HYDIN: variants seen among roughly 807,000 people sequenced by gnomAD.
The protein encoded by HYDIN is axonemal central pair apparatus protein HYDIN.
HYDIN carries 132 observed loss-of-function variants against 403.9 expected under a neutral mutation model. That is an observed-to-expected ratio of 0.33 (90% CI 0.28 to 0.38). HYDIN has a LOEUF of 0.38. HYDIN is among the 10% of genes least tolerant of loss of function. The probability of loss-of-function intolerance (pLI) is 1.00; values close to 1 mark genes in which losing one functional copy is unlikely to be tolerated. For synonymous variants in HYDIN, 1,202 were observed against 1,891.7 expected, an observed-to-expected ratio of 0.64 and a Z score of 9.46; for missense variants, 2,827 against 5,009.5, an observed-to-expected ratio of 0.56 and a Z score of 13.15.
chr16:71,035,833 T>C (rs1382036595), intron 18 of HYDIN, among the ~76,000 whole-genome samples: 1 of 152,112 alleles, frequency 6.6e-6, no homozygotes, highest in Admixed American at 6.5e-5. Context: ...TTCTAAGATA[T>C]CCATATTGAC....
At chr16:71,199,916 C>T (rs1015403748) in intron 1 of HYDIN, among the ~76,000 whole-genome samples, 2 of 152,156 alleles carry the variant, frequency 1.3e-5, no homozygotes, top group Middle Eastern at 3.2e-3. Flanking sequence ...TACTGGGCTG[C>T]ATTCTCAGAC....
chr16:71,131,856 T>A (rs879154391), intron 8 of HYDIN: 1 of 151,376 alleles, frequency 6.6e-6, no homozygotes, highest in Non-Finnish European at 1.5e-5. Context: ...GCACACTGCC[T>A]CCCAGGAATC....
At chr16:70,890,795 G>GT in intron 57 of HYDIN, among the ~76,000 whole-genome samples, 1 of 152,178 alleles carries the variant, frequency 6.6e-6, no homozygotes, top group Non-Finnish European at 1.5e-5. Context: ...AGGTAGCTTT[G>GT]TGACGGTGTC....
chr16:70,853,473 G>A (rs943957353), intron 73 of HYDIN, among the ~76,000 whole-genome samples: 3 of 148,208 alleles, frequency 2.0e-5, no homozygotes, highest in African/African-American at 5.2e-5. Flanking sequence ...TCCTCCAGTG[G>A]GTGAATAGTT....
intron 15 of HYDIN, 197 bp downstream of exon 15, chr16:71,067,093 C>T: frequency 3.3e-6 from 2 of 603,430 alleles, no homozygotes; most frequent in South Asian, 4.0e-5. Context: ...AACACACACA[C>T]TTCTTCTTAT....
At chr16:71,138,657 T>C (rs1473727546) in intron 7 of HYDIN, among the ~76,000 whole-genome samples, 1 of 152,110 alleles carries the variant, frequency 6.6e-6, no homozygotes, top group African/African-American at 2.4e-5. Flanking sequence ...AATGTAACAA[T>C]CTGATAAGTG....
chr16:71,124,247 C>G (rs1267000939), intron 9 of HYDIN, among the ~76,000 whole-genome samples: 2 of 152,120 alleles, frequency 1.3e-5, no homozygotes, highest in Non-Finnish European at 2.9e-5. Flanking sequence ...GAGAAGGTGA[C>G]GGAAGGGACA....
chr16:70,978,020 C>T (rs1167053133), intron 30 of HYDIN, among the ~76,000 whole-genome samples: 1 of 151,962 alleles, frequency 6.6e-6, no homozygotes, highest in Non-Finnish European at 1.5e-5. Context: ...TCTCTCTCCC[C>T]GAGGTGCCCA....
chr16:70,847,901 T>C (rs571936471), intron 75 of HYDIN, among the ~76,000 whole-genome samples: 1 of 151,622 alleles, frequency 6.6e-6, no homozygotes, highest in East Asian at 1.9e-4. Flanking sequence ...CTTCTGAGAT[T>C]CCCATTACAT....
At chr16:71,053,021 T>C (rs2081716577) in intron 18 of HYDIN, among the ~76,000 whole-genome samples, 2 of 151,782 alleles carry the variant, frequency 1.3e-5, no homozygotes, top group Admixed American at 6.6e-5. Flanking sequence ...GTATCCACAA[T>C]ATATAACATC....
At chr16:71,060,259 A>G (rs1455104265) in intron 18 of HYDIN, among the ~76,000 whole-genome samples, 1 of 152,176 alleles carries the variant, frequency 6.6e-6, no homozygotes, top group African/African-American at 2.4e-5. Flanking sequence ...AATCAACAAA[A>G]AGTATTATAA....
At chr16:71,056,131 T>G (rs1384244667) in intron 18 of HYDIN, among the ~76,000 whole-genome samples, 2 of 149,518 alleles carry the variant, frequency 1.3e-5, no homozygotes, top group East Asian at 1.9e-4. Flanking sequence ...AGATTTGTTT[T>G]TTTTTTTTTT....
chr16:70,855,744 C>T (rs1014958718), intron 72 of HYDIN, among the ~76,000 whole-genome samples: 10 of 152,288 alleles, frequency 6.6e-5, no homozygotes, highest in African/African-American at 1.7e-4. Context: ...TATCATCTTA[C>T]GCTTTCCTCT....
At chr16:71,179,102 G>A in intron 3 of HYDIN, 55 bp from the exon 4 acceptor site, 1 of 1,458,440 alleles carries the variant, frequency 6.9e-7, no homozygotes, top group South Asian at 1.2e-5. Flanking sequence ...AAAATGACTG[G>A]GGAAGATAAG....
rs1418645410 is a variant in HYDIN at position 70,990,023 on chromosome 16, T to TCCA, written c.3864+1294_3864+1295insTGG. On this transcript the variant is annotated intron_variant, in intron 25 of 85. Coordinates refer to ENST00000393567, the MANE Select transcript of HYDIN (RefSeq NM_001270974.2). ...TTCCAGCTCCACTGCTTGATGGACG[T>TCCA]GTCCCTGCATTGGTAAAATGGGGAA... Among the ~76,000 whole-genome samples, 8 of 152,326 alleles carry TCCA rather than the reference T, an allele frequency of 5.3e-5. No homozygotes were observed. In the East Asian group the frequency reaches 9.7e-4, roughly 18 times the overall value.
intron 36 of HYDIN, among the ~76,000 whole-genome samples, chr16:70,968,551 C>G (rs2078649878): frequency 6.6e-6 from 1 of 152,164 alleles, no homozygotes; most frequent in Non-Finnish European, 1.5e-5. Flanking sequence ...TCCTGCCCAG[C>G]AGTAATGAAG....
chr16:70,888,231 TCA>T (rs2041260178), intron 58 of HYDIN, among the ~76,000 whole-genome samples: 1 of 152,294 alleles, frequency 6.6e-6, no homozygotes, highest in African/African-American at 2.4e-5. Context: ...CTATTTTCCT[TCA>T]GTTTCAGTTC....
chr16:71,044,501 A>AC (rs1281791499), intron 18 of HYDIN, among the ~76,000 whole-genome samples: 1 of 151,102 alleles, frequency 6.6e-6, no homozygotes, highest in Non-Finnish European at 1.5e-5. Flanking sequence ...CAATAACCAT[A>AC]CCCCCCATGT....
At chr16:70,925,614 T>C (rs2077129467) in intron 45 of HYDIN, among the ~76,000 whole-genome samples, 1 of 151,536 alleles carries the variant, frequency 6.6e-6, no homozygotes, top group African/African-American at 2.4e-5. Context: ...ACAAATGGGA[T>C]CTAATTAAAC....
Sources: gnomAD v4.1 joint callset for allele counts (sites outside exome capture counted in the v4.1 genomes callset) on GRCh38, gnomAD v4.1.1 for gene constraint, MANE v1.5 for transcripts, NCBI Gene and HGNC (gene_info 2026-07-23, HGNC 2026-07-21) for gene names.